VRK2: variants seen among roughly 807,000 people sequenced by gnomAD.
VRK2 encodes VRK serine/threonine kinase 2.
In VRK2, 60 loss-of-function variants were observed where a neutral mutation model predicts 57.6. The observed-to-expected ratio is 1.04, with a 90% CI of 0.85 to 1.29. VRK2 has a LOEUF of 1.29. Among genes scored for constraint, VRK2 ranks in the 50% most tolerant of loss-of-function variants. The pLI is 0.00. For synonymous variants in VRK2, 231 were observed against 199.2 expected, an observed-to-expected ratio of 1.16 and a Z score of -1.35; for missense variants, 705 against 588.1, an observed-to-expected ratio of 1.20 and a Z score of -2.06.
Position 58,088,364 on chromosome 2 carries a change from G to C in VRK2, c.368G>C (p.Arg123Thr). 2 of 1,612,474 alleles carry C rather than the reference G, an allele frequency of 1.2e-6. No homozygotes were observed. Among genetic ancestry groups the C allele is most frequent in the Non-Finnish European group, 1.7e-6 (2 of 1,179,122 alleles). ...AGTTACAGATTTATGGTAATGGAAA[G>C]ACTAGGAATAGATTTACAGAAGATC... Reference protein sequence around the residue: ...GRSYRFMVMERLGIDLQKISG... With the variant: ...GRSYRFMVMETLGIDLQKISG... The change falls in exon 6 of 13, where the codon AGA becomes ACA. Residue 123 changes from arginine to threonine, a missense_variant. By Grantham distance (71) the Arg-to-Thr change is moderately conservative (BLOSUM62 -1). Coordinates refer to ENST00000340157, the MANE Select transcript of VRK2 (RefSeq NM_006296.7).
At chr2:57,976,482 G>A (rs932239516) in intron 1 of VRK2, among the ~76,000 whole-genome samples, 7 of 151,686 alleles carry the variant, frequency 4.6e-5, no homozygotes, top group South Asian at 2.1e-4. Context: ...GCATTTTTTC[G>A]TATGCTTGTT....
At chr2:57,985,128 T>C (rs185859641) in intron 1 of VRK2, among the ~76,000 whole-genome samples, 128 of 152,144 alleles carry the variant, frequency 8.4e-4, no homozygotes, top group African/African-American at 2.9e-3. Context: ...GAGTGATAAA[T>C]AGACAAATAT....
At chr2:58,018,609 AG>A (rs1372840505) in intron 1 of VRK2, among the ~76,000 whole-genome samples, 2 of 152,250 alleles carry the variant, frequency 1.3e-5, no homozygotes, top group Non-Finnish European at 2.9e-5. Context: ...AGGCTAGCTA[AG>A]AATACATCTG....
intron 1 of VRK2, among the ~76,000 whole-genome samples, chr2:57,977,132 G>C (rs962729178): frequency 6.6e-6 from 1 of 152,162 alleles, no homozygotes; most frequent in Admixed American, 6.6e-5. Context: ...AGTATAATTT[G>C]AAGTCAGGTA....
At chr2:57,996,457 T>G (rs1452147169) in intron 1 of VRK2, among the ~76,000 whole-genome samples, 1 of 152,204 alleles carries the variant, frequency 6.6e-6, no homozygotes, top group African/African-American at 2.4e-5. Context: ...CTCTAATGAT[T>G]GCACTTGTAA....
At chr2:58,137,202 C>A (rs893405368) in intron 10 of VRK2, among the ~76,000 whole-genome samples, 7,413 of 26,390 alleles carry the variant, frequency 0.28, 150 homozygotes, top group East Asian at 0.33. Flanking sequence ...ACATATATAT[C>A]TCATATATGA....
intron 2 of VRK2, among the ~76,000 whole-genome samples, chr2:58,074,423 G>A (rs886716763): frequency 5.9e-5 from 9 of 151,676 alleles, no homozygotes; most frequent in African/African-American, 1.7e-4. Flanking sequence ...GTATGACTCC[G>A]TTTTCTCTCC....
chr2:58,080,995 C>G (rs1670783523), intron 2 of VRK2, among the ~76,000 whole-genome samples: 1 of 151,696 alleles, frequency 6.6e-6, no homozygotes, highest in Non-Finnish European at 1.5e-5. Flanking sequence ...CTAATGCTGC[C>G]CATTAAACTA....
chr2:58,137,404 C>A (rs1000269426), intron 10 of VRK2, among the ~76,000 whole-genome samples: 1 of 151,430 alleles, frequency 6.6e-6, no homozygotes, highest in Non-Finnish European at 1.5e-5. Context: ...ATGTCATACT[C>A]TATTGTTAAA....
chr2:58,126,061 A>G (rs748915969), intron 8 of VRK2, among the ~76,000 whole-genome samples: 1 of 152,092 alleles, frequency 6.6e-6, no homozygotes, highest in Non-Finnish European at 1.5e-5. Flanking sequence ...TACAGCCACT[A>G]TGTAATCTCA....
chr2:58,007,691 T>C (rs935075482), intron 1 of VRK2, among the ~76,000 whole-genome samples: 3 of 152,162 alleles, frequency 2.0e-5, no homozygotes, highest in Non-Finnish European at 4.4e-5. Context: ...AGTTAAGTTC[T>C]GGGGAAGTCA....
chr2:58,056,754 C>T (rs759537847), intron 2 of VRK2, among the ~76,000 whole-genome samples: 1 of 152,084 alleles, frequency 6.6e-6, no homozygotes, highest in Non-Finnish European at 1.5e-5. Flanking sequence ...GCATGTGATG[C>T]TTTTATTGTA....
intron 2 of VRK2, among the ~76,000 whole-genome samples, chr2:58,032,404 T>A (rs1674143312): frequency 6.6e-6 from 1 of 152,034 alleles, no homozygotes; most frequent in Non-Finnish European, 1.5e-5. Context: ...ACTGACAGGT[T>A]CATAAAATAG....
intron 1 of VRK2, among the ~76,000 whole-genome samples, chr2:57,952,141 T>G (rs949337630): frequency 4.0e-5 from 6 of 151,846 alleles, no homozygotes; most frequent in Non-Finnish European, 8.8e-5. Context: ...GAGATAGAGA[T>G]AGAGAGACAT....
At chr2:57,942,766 T>A (rs1404637901) in intron 1 of VRK2, among the ~76,000 whole-genome samples, 1 of 152,154 alleles carries the variant, frequency 6.6e-6, no homozygotes, top group African/African-American at 2.4e-5. Flanking sequence ...AAGGTTCAAA[T>A]TTAATATTAT....
intron 1 of VRK2, 179 bp from the exon 2 acceptor site, chr2:58,048,648 A>G (rs1409209210): frequency 9.3e-6 from 14 of 1,501,052 alleles, no homozygotes; most frequent in African/African-American, 4.2e-5. Flanking sequence ...ATTGTAATGT[A>G]TGTGAATTTC....
intron 9 of VRK2, among the ~76,000 whole-genome samples, chr2:58,134,536 G>T (rs1296906686): frequency 6.6e-6 from 1 of 150,800 alleles, no homozygotes; most frequent in Non-Finnish European, 1.5e-5. Flanking sequence ...GCGTGAACCC[G>T]GGAAGCGGAG....
At chr2:57,915,786 A>C (rs1558490487) in intron 1 of VRK2, among the ~76,000 whole-genome samples, 1 of 152,346 alleles carries the variant, frequency 6.6e-6, no homozygotes, top group East Asian at 1.9e-4. Flanking sequence ...GGAACCAGGA[A>C]ACACAGCAAG....
chr2:58,030,177 G>C (rs1469034022), intron 2 of VRK2, among the ~76,000 whole-genome samples: 1 of 151,992 alleles, frequency 6.6e-6, no homozygotes, highest in Non-Finnish European at 1.5e-5. Context: ...CCAAGGTTTT[G>C]CTCAATTAAT....
Sources: gnomAD v4.1 joint callset for allele counts (sites outside exome capture counted in the v4.1 genomes callset) on GRCh38, gnomAD v4.1.1 for gene constraint, MANE v1.5 for transcripts, NCBI Gene and HGNC (gene_info 2026-07-23, HGNC 2026-07-21) for gene names.